Variants in TPRG1 observed in about 807,000 individuals in gnomAD.
TPRG1 encodes tumor protein p63-regulated gene 1 protein.
In TPRG1, 29 loss-of-function variants were observed where a neutral mutation model predicts 29.3. The observed-to-expected ratio is 0.99, with a 90% confidence interval of 0.74 to 1.35. The LOEUF is 1.35. Ranked by LOEUF, TPRG1 falls within the 40% of genes most tolerant of loss-of-function variation. The pLI is 0.00. For synonymous variants in TPRG1, 130 were observed against 116.8 expected (o/e 1.11, Z -0.73); for missense variants, 327 against 335.0 (o/e 0.98, Z 0.19).
At chr3:189,231,107 A>G (rs994438696) in intron 3 of TPRG1, among the ~76,000 whole-genome samples, 6 of 152,136 alleles carry the variant, frequency 3.9e-5, no homozygotes, top group Admixed American at 3.9e-4. Context: ...TGCAAAGGGA[A>G]CTTTACATAT....
chr3:189,097,423 T>C (rs752808963), upstream of TPRG1, among the ~76,000 whole-genome samples: 1 of 152,200 alleles, frequency 6.6e-6, no homozygotes, highest in African/African-American at 2.4e-5. Flanking sequence ...CAAATAAATA[T>C]GTGTTTCATG....
rs543049276 is a variant in TPRG1, at chr3:189,151,816, G to T, written c.-10+944G>T. On this transcript the variant is annotated intron_variant, in intron 5 of 6. Transcript: ENST00000412373. ...GAATCGCTTGAACCTGGGAGGCAGAGGTTGCAGTGAGCCAAGATCACGCCA... is the reference window on the plus strand; with the variant it reads ...GAATCGCTTGAACCTGGGAGGCAGATGTTGCAGTGAGCCAAGATCACGCCA... 1.3e-5 allele frequency among the ~76,000 whole-genome samples: 2 copies of T among 152,118 alleles called. 1 individual carries two copies. The highest frequency in any genetic ancestry group is 4.1e-4 in the South Asian group (2 of 4,822).
At chr3:189,038,647 C>T (rs1487206880) in intron 4 of TPRG1, among the ~76,000 whole-genome samples, 2 of 151,950 alleles carry the variant, frequency 1.3e-5, no homozygotes, top group East Asian at 3.9e-4. Flanking sequence ...TTATGAATTT[C>T]TGTTCATTGA....
chr3:189,046,297 C>T (rs1714974329), intron 4 of TPRG1, among the ~76,000 whole-genome samples: 1 of 152,174 alleles, frequency 6.6e-6, no homozygotes, highest in African/African-American at 2.4e-5. Flanking sequence ...ACCCTCTTCT[C>T]CACTTAGGCA....
intron 4 of TPRG1, among the ~76,000 whole-genome samples, chr3:189,309,179 G>A (rs1044281283): frequency 6.6e-6 from 1 of 150,602 alleles, no homozygotes; most frequent in Non-Finnish European, 1.5e-5. Context: ...CCAGCAGAAT[G>A]TTTCAGGGAC....
At chr3:189,027,848 G>C (rs555268297) in intron 4 of TPRG1, among the ~76,000 whole-genome samples, 1 of 152,120 alleles carries the variant, frequency 6.6e-6, no homozygotes, top group Non-Finnish European at 1.5e-5. Flanking sequence ...ATAGCATTGT[G>C]AACAGTGAGC....
intron 4 of TPRG1, among the ~76,000 whole-genome samples, chr3:189,075,445 A>AT (rs1455856803): frequency 3.9e-5 from 6 of 151,992 alleles, no homozygotes; most frequent in African/African-American, 9.7e-5. Flanking sequence ...GCATGCTCTG[A>AT]TTTTTTTGCT....
intron 1 of TPRG1, among the ~76,000 whole-genome samples, chr3:189,200,278 T>A (rs55869539): frequency 0.12 from 18,724 of 152,232 alleles, 1,468 homozygotes; most frequent in African/African-American, 0.21. Context: ...AGGAATTGTT[T>A]GCCAATTTTC....
At chr3:189,242,501 A>G (rs1407511873) in intron 4 of TPRG1, among the ~76,000 whole-genome samples, 8 of 152,052 alleles carry the variant, frequency 5.3e-5, no homozygotes, top group Admixed American at 5.2e-4. Flanking sequence ...CTTTTTATGC[A>G]TTAGTGGATT....
intron 3 of TPRG1, among the ~76,000 whole-genome samples, chr3:189,232,672 C>T (rs1560584440): frequency 1.3e-5 from 2 of 152,168 alleles, no homozygotes; most frequent in East Asian, 3.8e-4. Flanking sequence ...GAAAAGTGAA[C>T]TCCAGGGAGT....
intron 3 of TPRG1, among the ~76,000 whole-genome samples, chr3:189,237,277 ACACACACATG>A (rs1216060567): frequency 2.0e-5 from 3 of 152,142 alleles, no homozygotes; most frequent in African/African-American, 4.8e-5. Context: ...GAACACACAT[ACACACACATG>A]CACACACACG....
At chr3:189,138,318 A>G (rs769321784) in intron 3 of TPRG1, among the ~76,000 whole-genome samples, 2 of 152,204 alleles carry the variant, frequency 1.3e-5, no homozygotes, top group Non-Finnish European at 2.9e-5. Flanking sequence ...TTTTCTGGTA[A>G]CAACACATTT....
chr3:189,030,944 C>T (rs1261687552), intron 4 of TPRG1, among the ~76,000 whole-genome samples: 3 of 152,152 alleles, frequency 2.0e-5, no homozygotes, highest in Non-Finnish European at 2.9e-5. Context: ...AGTGTCTGTG[C>T]CCTATTACTT....
At chr3:189,044,581 C>A (rs1376677680) in intron 4 of TPRG1, among the ~76,000 whole-genome samples, 2 of 150,422 alleles carry the variant, frequency 1.3e-5, no homozygotes, top group African/African-American at 2.4e-5. Flanking sequence ...GTGAGCTGAG[C>A]TTTGAAGGAC....
At chr3:189,278,369 A>G (rs1716517861) in intron 4 of TPRG1, among the ~76,000 whole-genome samples, 1 of 152,140 alleles carries the variant, frequency 6.6e-6, no homozygotes, top group Non-Finnish European at 1.5e-5. Flanking sequence ...GGATTCTCAC[A>G]GGCCTGTGTC....
intron 4 of TPRG1, among the ~76,000 whole-genome samples, chr3:189,246,448 A>G (rs1355840776): frequency 6.6e-6 from 1 of 152,180 alleles, no homozygotes; most frequent in Non-Finnish European, 1.5e-5. Flanking sequence ...TGTAGAAATC[A>G]CACAGTTGGC....
intron 4 of TPRG1, among the ~76,000 whole-genome samples, chr3:189,038,958 A>G (rs1279239798): frequency 6.6e-6 from 1 of 152,242 alleles, no homozygotes; most frequent in Admixed American, 6.5e-5. Flanking sequence ...TGAGAAAGTC[A>G]GATGGTATCA....
intron 1 of TPRG1, among the ~76,000 whole-genome samples, chr3:189,178,435 A>G (rs1729782848): frequency 1.3e-5 from 2 of 152,218 alleles, no homozygotes; most frequent in Admixed American, 6.5e-5. Flanking sequence ...AGGCTGAGAC[A>G]CTAGAATTGC....
chr3:189,046,020 C>T (rs576256640), intron 4 of TPRG1, among the ~76,000 whole-genome samples: 2 of 152,258 alleles, frequency 1.3e-5, no homozygotes, highest in South Asian at 2.1e-4. Context: ...GGCAGGATCC[C>T]GAGTGCAGGG....
Sources: gnomAD v4.1 joint callset for allele counts (sites outside exome capture counted in the v4.1 genomes callset) on GRCh38, gnomAD v4.1.1 for gene constraint, MANE v1.5 for transcripts, NCBI Gene and HGNC (gene_info 2026-07-23, HGNC 2026-07-21) for gene names.